ZNF160: variants seen among roughly 807,000 people sequenced by gnomAD.
ZNF160 encodes KRAB zinc finger protein KR18.
A neutral mutation model predicts 13.1 loss-of-function variants in ZNF160; 9 were observed. That is an observed-to-expected ratio of 0.69 (90% CI 0.41 to 1.20). The LOEUF is 1.20. Ranked by LOEUF, ZNF160 falls within the 50% of genes most tolerant of loss-of-function variation. The pLI is 0.01. For synonymous variants in ZNF160, 293 were observed against 333.2 expected, an observed-to-expected ratio of 0.88 and a Z score of 1.31; for missense variants, 838 against 988.0, an observed-to-expected ratio of 0.85 and a Z score of 2.04.
chr19:53,101,711 C>G (rs1471754200), intron 1 of ZNF160, among the ~76,000 whole-genome samples: 1 of 152,164 alleles, frequency 6.6e-6, no homozygotes. Context: ...CTACCCCATC[C>G]TCGGAAACAG....
Position 53,069,072 on chromosome 19 carries a change from T to C in ZNF160, c.1462A>G (p.Lys488Glu), listed in dbSNP as rs773342640. Reference protein sequence around the residue: ...TKPFKCNECSKVFTQNSQLAN... With the variant: ...TKPFKCNECSEVFTQNSQLAN... ...AGTTGTGAATTTTGAGTGAAAACCT[T>C]GCTGCATTCATTGCATTTGAAAGGT... The change falls in exon 6 of 6, where the codon AAG becomes GAG. Residue 488 changes from lysine to glutamate, a missense_variant. This residue lies in a region of ZNF160 where 400 missense variants were observed against 538.9 expected (regional missense o/e 0.74). Transcript: ENST00000683776. This position sits in a 1 kb window ranked among gnomAD's most constrained non-coding sequence, Gnocchi z 4.4. 1 of 1,614,200 alleles carries C rather than the reference T, an allele frequency of 6.2e-7. No individual in the cohort carries two copies.
intron 1 of ZNF160, among the ~76,000 whole-genome samples, chr19:53,102,525 C>A (rs986687241): frequency 3.9e-5 from 6 of 152,218 alleles, no homozygotes; most frequent in African/African-American, 1.2e-4. Context: ...GAGCTTTTCT[C>A]TACATTTCGC....
At chr19:53,074,922 A>G (rs1023871101) in intron 4 of ZNF160, 135 bp downstream of exon 4, 13 of 1,193,538 alleles carry the variant, frequency 1.1e-5, no homozygotes, top group Non-Finnish European at 1.6e-5. Flanking sequence ...GTTTCCCATG[A>G]TTAAGCTTTC....
At chr19:53,090,819 G>A (rs558276761) in intron 2 of ZNF160, among the ~76,000 whole-genome samples, 2 of 152,342 alleles carry the variant, frequency 1.3e-5, no homozygotes, top group South Asian at 4.1e-4. Flanking sequence ...GAGGCTTAGG[G>A]GACCCAAAGG....
Position 53,069,744 on chromosome 19 carries a change from T to C in ZNF160, c.790A>G (p.Lys264Glu), listed in dbSNP as rs776894833. Residue 264 changes from lysine to glutamate, a missense_variant, in exon 6 of 6, where the codon AAG (lysine) becomes GAG (glutamate). This residue lies in a region of ZNF160 where 387 missense variants were observed against 402.3 expected (regional missense o/e 0.96). Transcript: ENST00000683776. This position sits in a 1 kb window ranked among gnomAD's most constrained non-coding sequence, Gnocchi z 4.4. ...GKPYKCNECG[K>E]AFTQNSNLTS... Reference sequence around the variant, plus strand: ...AGGTTCGAATTCTGAGTGAACGCCTTGCCACATTCATTACATTTATAAGGT... The same window carrying C: ...AGGTTCGAATTCTGAGTGAACGCCTCGCCACATTCATTACATTTATAAGGT... 6.2e-6 allele frequency: 10 copies of C among 1,614,120 alleles called. No individual in the cohort carries two copies. The highest frequency in any genetic ancestry group is 8.5e-6 in the Non-Finnish European group (10 of 1,180,048).
rs1340080457 is a variant in ZNF160, at chr19:53,067,131, C to T, written c.*946G>A. ...CAATTTTTCATCACTCTTTGCTAAA[C>T]AACAGGTATTGCTCTTTGATGCATA... On this transcript the variant is annotated 3_prime_UTR_variant, in exon 6 of 6. Coordinates refer to ENST00000683776, the MANE Select transcript of ZNF160 (RefSeq NM_001322131.2). 6.6e-6 allele frequency: 1 copy of T among 152,202 alleles called. No homozygotes were observed. Among genetic ancestry groups the T allele is most frequent in the Non-Finnish European group, 1.5e-5 (1 of 68,052 alleles). The allele number at this position is 152,202 out of a possible 1,614,324, so 9.4% of individuals were successfully genotyped here.
rs781617572 is a variant in ZNF160, at chr19:53,070,008, G to A, written c.526C>T (p.Leu176Phe). The A allele has an allele frequency of 1.3e-5, 21 of 1,613,908 alleles. No individual in the cohort carries two copies. The Admixed American group carries it at 2.8e-4, about 22-fold the overall frequency. The change falls in exon 6 of 6, where the codon CTT becomes TTT. Residue 176 changes from leucine to phenylalanine, a missense_variant. Physicochemically the swap from Leu to Phe is conservative, Grantham distance 22 (BLOSUM62 0). Coordinates refer to ENST00000683776, the MANE Select transcript of ZNF160 (RefSeq NM_001322131.2). ...QRDRRDIENK[L>F]MNNQLGVSFH... Reference sequence around the variant, plus strand: ...CTTACTCCAAGCTGATTGTTCATAAGCTTGTTTTCTATGTCTCTTCTGTCG... The same window carrying A: ...CTTACTCCAAGCTGATTGTTCATAAACTTGTTTTCTATGTCTCTTCTGTCG...
In ZNF160 at chr19:53,085,942, G is replaced by A. The variant is rs2084813164; in HGVS notation, c.15+320C>T. On this transcript the variant is annotated intron_variant, in intron 3 of 5. Coordinates refer to ENST00000683776, the MANE Select transcript of ZNF160 (RefSeq NM_001322131.2). ...CTGTTATCATGGTTTACACAGCGCT[G>A]ACAGTGCATCCAGATGCGGCCCCTG... 6.3e-6 allele frequency: 7 copies of A among 1,110,644 alleles called. No individual in the cohort carries two copies. The South Asian group carries it at 9.4e-5, about 15-fold the overall frequency. The allele number at this position is 1,110,644 out of a possible 1,614,324, so 68.8% of individuals were successfully genotyped here.
chr19:53,098,081 T>A (rs1008452265), intron 1 of ZNF160, among the ~76,000 whole-genome samples: 6 of 152,224 alleles, frequency 3.9e-5, no homozygotes, highest in African/African-American at 1.4e-4. Context: ...TCAGCATCTG[T>A]TTCCCAGGTA....
At chr19:53,071,533 TCTC>T (rs1340580703) in intron 5 of ZNF160, among the ~76,000 whole-genome samples, 46 of 121,874 alleles carry the variant, frequency 3.8e-4, no homozygotes, top group African/African-American at 1.4e-3. Flanking sequence ...CAAAACTCCG[TCTC>T]ATCAAAAAAA....
rs368897306 is a variant in ZNF160 at position 53,070,240 on chromosome 19, G to T, written c.294C>A (p.Ile98=). 1.2e-6 allele frequency: 2 copies of T among 1,601,894 alleles called. No individual in the cohort carries two copies. The highest frequency in any genetic ancestry group is 1.7e-6 in the Non-Finnish European group (2 of 1,175,266). Residue 98 remains isoleucine (I), a synonymous_variant, in exon 6 of 6, where the codon ATC becomes ATA. Coordinates refer to ENST00000683776, the MANE Select transcript of ZNF160 (RefSeq NM_001322131.2). ...TCTTCTCTTTTGGTAGCAAATCCTTGATTGTACATTTAGGAGGGATATCTA... is the reference window on the plus strand; with the variant it reads ...TCTTCTCTTTTGGTAGCAAATCCTTTATTGTACATTTAGGAGGGATATCTA... ...VVTDIPPKCT[I]KDLLPKEKSS...
chr19:53,067,820 G>A lies in ZNF160; in HGVS notation c.*257C>T. On this transcript the variant is annotated 3_prime_UTR_variant, in exon 6 of 6. Coordinates refer to ENST00000683776, the MANE Select transcript of ZNF160 (RefSeq NM_001322131.2). ...ATCCTCACTTACCATCGGTCACTGG[G>A]TAATGGCCTCAGGATGCATATTACA... is the stretch of plus-strand genomic sequence containing the variant. The A allele has an allele frequency of 2.5e-6, 1 of 401,598 alleles. No homozygotes were observed. Among genetic ancestry groups the A allele is most frequent in the Non-Finnish European group, 4.4e-6 (1 of 227,252 alleles). 24.9% of individuals were successfully genotyped at this position (401,598 alleles called of 1,614,324 possible). A position where few individuals can be genotyped will look rare whatever the true frequency, so the allele number is the denominator to read the frequency against.
chr19:53,078,855 A>G (rs940805713), intron 3 of ZNF160, among the ~76,000 whole-genome samples: 1 of 152,168 alleles, frequency 6.6e-6, no homozygotes, highest in Non-Finnish European at 1.5e-5. Context: ...ACTCATAAGC[A>G]CTGTACAATT....
chr19:53,073,032 T>G (rs1245055767), intron 5 of ZNF160: 1 of 588,116 alleles, frequency 1.7e-6, no homozygotes, highest in Non-Finnish European at 2.3e-6. Context: ...GTATACAATA[T>G]GGACTGATGG....
In ZNF160 at chr19:53,068,342, T is replaced by G; in HGVS notation, c.2192A>C (p.Lys731Thr). Residue 731 changes from lysine to threonine, a missense_variant, in exon 6 of 6, where the codon AAA (lysine) becomes ACA (threonine). Physicochemically the swap from Lys to Thr is moderately conservative, Grantham distance 78. This residue lies in a region of ZNF160 where 400 missense variants were observed against 538.9 expected (regional missense o/e 0.74). Transcript: ENST00000683776. Reference sequence around the variant, plus strand: ...GCCACATTCATTACATTTGTAAGGTTTTTTCCCAGTATGGATTGCCTGATG... The same window carrying G: ...GCCACATTCATTACATTTGTAAGGTGTTTTCCCAGTATGGATTGCCTGATG... ...TTHQAIHTGK[K>T]PYKCNECGKV... 3 of 1,614,114 alleles carry G rather than the reference T, an allele frequency of 1.9e-6. No individual in the cohort carries two copies. The highest frequency in any genetic ancestry group is 2.5e-6 in the Non-Finnish European group (3 of 1,180,040).
intron 5 of ZNF160, chr19:53,073,260 AC>A: frequency 6.6e-7 from 1 of 1,505,658 alleles, no homozygotes; most frequent in Non-Finnish European, 8.8e-7. Flanking sequence ...AAAACAGAAT[AC>A]GCACCCCATG....
intron 1 of ZNF160, among the ~76,000 whole-genome samples, chr19:53,092,453 G>C (rs973261371): frequency 3.3e-5 from 5 of 152,110 alleles, no homozygotes; most frequent in Admixed American, 6.5e-5. Flanking sequence ...CGGGATTACA[G>C]GCACACGCCA....
At position 53,069,070 on chromosome 19, in the gene ZNF160, C is replaced by T. The variant is rs1284473509; in HGVS notation, c.1464G>A (p.Lys488=). Residue 488 remains lysine (K), a synonymous_variant, in exon 6 of 6, where the codon AAG becomes AAA. Coordinates refer to ENST00000683776, the MANE Select transcript of ZNF160 (RefSeq NM_001322131.2). The surrounding 1 kb of genome is among the most constrained non-coding windows in gnomAD (Gnocchi z 4.4). ...CAAGTTGTGAATTTTGAGTGAAAACCTTGCTGCATTCATTGCATTTGAAAG... is the reference window on the plus strand; with the variant it reads ...CAAGTTGTGAATTTTGAGTGAAAACTTTGCTGCATTCATTGCATTTGAAAG... ...TKPFKCNECS[K]VFTQNSQLAN... is the part of the protein sequence containing the mutation. 8.1e-6 allele frequency: 13 copies of T among 1,613,886 alleles called. No homozygotes were observed. The highest frequency in any genetic ancestry group is 1.7e-5 in the Admixed American group (1 of 59,982).
chr19:53,080,955 A>C (rs1051179282), intron 3 of ZNF160, among the ~76,000 whole-genome samples: 1 of 152,120 alleles, frequency 6.6e-6, no homozygotes, highest in Non-Finnish European at 1.5e-5. Flanking sequence ...AAATCAACAA[A>C]AATAAACAAT....
Sources: allele counts gnomAD v4.1 joint callset (sites outside exome capture counted in the v4.1 genomes callset), GRCh38; gene constraint gnomAD v4.1.1; regional missense constraint gnomAD v4.1.1; non-coding constraint Gnocchi (gnomAD v3.1); transcripts MANE v1.5; gene names NCBI Gene and HGNC (gene_info 2026-07-23, HGNC 2026-07-21).